Variants in ADAT2 observed in about 807,000 individuals in gnomAD.
ADAT2 encodes the protein tRNA-specific adenosine-34 deaminase catalytic subunit ADAT2.
ADAT2 carries 26 observed loss-of-function variants against 25.9 expected under a neutral mutation model. That is an observed-to-expected ratio of 1.00 (90% CI 0.74 to 1.39). The LOEUF is 1.39. Ranked by LOEUF, ADAT2 falls within the 40% of genes most tolerant of loss-of-function variation. ADAT2 has a pLI of 0.00. For missense variants in ADAT2, 220 were observed against 244.8 expected (o/e 0.90, Z 0.68); for synonymous variants, 76 against 86.8 (o/e 0.88, Z 0.69).
In ADAT2 at chr6:143,444,822, C is replaced by T. The variant is rs1384889587; in HGVS notation, c.96+5741G>A. 6.1e-6 allele frequency: 5 copies of T among 821,476 alleles called. No individual in the cohort carries two copies. The highest frequency in any genetic ancestry group is 5.5e-5 in the African/African-American group (3 of 54,528). The allele number at this position is 821,476 out of a possible 1,614,324, so 50.9% of individuals were successfully genotyped here. On this transcript the variant is annotated intron_variant, in intron 1 of 5. Coordinates refer to ENST00000237283, the MANE Select transcript of ADAT2 (RefSeq NM_182503.3). The surrounding 1 kb of genome is among the most constrained non-coding windows in gnomAD (Gnocchi z 4.3). ...TGCCCAGATACAGATAATGAAAGCACCTAGATGGAAGAGACTTCGTAGTTT... is the reference window on the plus strand; with the variant it reads ...TGCCCAGATACAGATAATGAAAGCATCTAGATGGAAGAGACTTCGTAGTTT...
rs1010480672 is a variant in ADAT2, at chr6:143,444,790, C to G, written c.96+5773G>C. 2.5e-6 allele frequency: 1 copy of G among 397,438 alleles called. No individual in the cohort carries two copies. The highest frequency in any genetic ancestry group is 3.9e-6 in the Non-Finnish European group (1 of 258,578). 24.6% of individuals were successfully genotyped at this position (397,438 alleles called of 1,614,324 possible). The stretch of plus-strand genomic sequence containing the variant: ...ATATAATTTCTTTTTTTTCTCTAGT[C>G]AGGGCCTGCCCAGATACAGATAATG... On this transcript the variant is annotated intron_variant, in intron 1 of 5. Transcript: ENST00000237283. This position sits in a 1 kb window ranked among gnomAD's most constrained non-coding sequence, Gnocchi z 4.3.
intron 1 of ADAT2, chr6:143,449,912 T>C (rs1779712075): frequency 6.6e-6 from 1 of 152,268 alleles, no homozygotes; most frequent in African/African-American, 2.4e-5. Flanking sequence ...TGAGTAGATT[T>C]AATGCTCCAG....
chr6:143,430,895 G>T (rs1197677047), intron 4 of ADAT2, among the ~76,000 whole-genome samples: 1 of 152,186 alleles, frequency 6.6e-6, no homozygotes, highest in East Asian at 1.9e-4. Flanking sequence ...AACAGAGCAG[G>T]TGTTATAATT....
At chr6:143,448,371 T>G (rs952622307) in intron 1 of ADAT2, among the ~76,000 whole-genome samples, 2 of 152,146 alleles carry the variant, frequency 1.3e-5, no homozygotes, top group Non-Finnish European at 2.9e-5. Flanking sequence ...CTGCACATTG[T>G]GCACATGTAC....
chr6:143,448,209 C>T (rs550521295), intron 1 of ADAT2, among the ~76,000 whole-genome samples: 7 of 151,976 alleles, frequency 4.6e-5, no homozygotes, highest in Non-Finnish European at 7.4e-5. Context: ...AATGAGAACA[C>T]TTGGACACAG....
In ADAT2 at chr6:143,437,588, C is replaced by T. The variant is rs913520935; in HGVS notation, c.201+1002G>A. On this transcript the variant is annotated intron_variant, in intron 2 of 5. Coordinates refer to ENST00000237283, the MANE Select transcript of ADAT2 (RefSeq NM_182503.3). The surrounding 1 kb of genome is among the most constrained non-coding windows in gnomAD (Gnocchi z 4.1). ...TATTTTTTTGGTTGTACAGAAGTTACGTATTAAAATATAATCCTGTTCTAT... is the reference window on the plus strand; with the variant it reads ...TATTTTTTTGGTTGTACAGAAGTTATGTATTAAAATATAATCCTGTTCTAT... Among the ~76,000 whole-genome samples the T allele has an allele frequency of 3.5e-4, 53 of 152,000 alleles. No individual in the cohort carries two copies. The highest frequency in any genetic ancestry group is 2.3e-3 in the Admixed American group (35 of 15,276).
In ADAT2 at chr6:143,432,708, G is replaced by A. The variant is rs549107769; in HGVS notation, c.353-97C>T. 4.4e-5 allele frequency: 49 copies of A among 1,110,780 alleles called. No homozygotes were observed. In the East Asian group the frequency reaches 8.4e-4, roughly 19 times the overall value. 68.8% of individuals were successfully genotyped at this position (1,110,780 alleles called of 1,614,324 possible). On this transcript the variant is annotated intron_variant, in intron 3 of 5. Coordinates refer to ENST00000237283, the MANE Select transcript of ADAT2 (RefSeq NM_182503.3). This position sits in a 1 kb window ranked among gnomAD's most constrained non-coding sequence, Gnocchi z 4.4. ...TATACCAGCCATCCTGGAGAGGAAC[G>A]CTCATGCTACTCTTCAAACCAGTGA...
rs773772395 is a variant in ADAT2 at position 143,442,673 on chromosome 6, T to C, written c.97-3979A>G. On this transcript the variant is annotated intron_variant, in intron 1 of 5. Coordinates refer to ENST00000237283, the MANE Select transcript of ADAT2 (RefSeq NM_182503.3). This position sits in a 1 kb window ranked among gnomAD's most constrained non-coding sequence, Gnocchi z 4.6. ...ATTATTGTAATTTCTTGTGAACTTA[T>C]AATTATTTCAAAATGAAAGTTAAAA... is the stretch of plus-strand genomic sequence containing the variant. Among the ~76,000 whole-genome samples the C allele has an allele frequency of 4.6e-5, 7 of 152,214 alleles. No individual in the cohort carries two copies. Among genetic ancestry groups the C allele is most frequent in the Non-Finnish European group, 1.0e-4 (7 of 68,046 alleles).
rs1779156448 is a variant in ADAT2, at chr6:143,432,800, G to A, written c.353-189C>T. 6.6e-6 allele frequency among the ~76,000 whole-genome samples: 1 copy of A among 152,216 alleles called. No individual in the cohort carries two copies. On this transcript the variant is annotated intron_variant, in intron 3 of 5. Transcript: ENST00000237283. This position sits in a 1 kb window ranked among gnomAD's most constrained non-coding sequence, Gnocchi z 4.4. The stretch of plus-strand genomic sequence containing the variant: ...AGAAGAAAAGGGGTTAAAGTATTGA[G>A]AAATTGACATTTAACAACTGCAAAC...
rs945820759 is a variant in ADAT2, at chr6:143,426,139, C to T, written c.*2324G>A. ...ACCACTTTCAGAACTATTTTGTACA[C>T]AAAACAAGTCTTTCAGCTGGTGTCT... On this transcript the variant is annotated 3_prime_UTR_variant, in exon 6 of 6. Coordinates refer to ENST00000237283, the MANE Select transcript of ADAT2 (RefSeq NM_182503.3). This position sits in a 1 kb window ranked among gnomAD's most constrained non-coding sequence, Gnocchi z 4.1. 3 of 152,164 alleles carry T rather than the reference C, an allele frequency of 2.0e-5. No individual in the cohort carries two copies. The highest frequency in any genetic ancestry group is 1.5e-5 in the Non-Finnish European group (1 of 68,030). The allele number at this position is 152,164 out of a possible 1,614,324, so 9.4% of individuals were successfully genotyped here. A position where few individuals can be genotyped will look rare whatever the true frequency, so the allele number is the denominator to read the frequency against.
intron 2 of ADAT2, among the ~76,000 whole-genome samples, chr6:143,435,700 T>A (rs1779253587): frequency 6.6e-6 from 1 of 152,242 alleles, no homozygotes; most frequent in Non-Finnish European, 1.5e-5. Context: ...ACTTATCTCA[T>A]GTTTTAATAT....
At chr6:143,443,809 C>T (rs1216593309) in intron 1 of ADAT2, among the ~76,000 whole-genome samples, 1 of 145,054 alleles carries the variant, frequency 6.9e-6, no homozygotes, top group Non-Finnish European at 1.5e-5. Context: ...CCAGCCTGGG[C>T]GACAAAGTGA....
In ADAT2 at chr6:143,440,597, GC is replaced by G. The variant is rs1458554278; in HGVS notation, c.97-1904del. Among the ~76,000 whole-genome samples the G allele has an allele frequency of 2.2e-4, 33 of 152,154 alleles. No homozygotes were observed. Among genetic ancestry groups the G allele is most frequent in the Non-Finnish European group, 4.0e-4 (27 of 68,020 alleles). On this transcript the variant is annotated intron_variant, in intron 1 of 5. Coordinates refer to ENST00000237283, the MANE Select transcript of ADAT2 (RefSeq NM_182503.3). This position sits in a 1 kb window ranked among gnomAD's most constrained non-coding sequence, Gnocchi z 4.5. ...GGACTATTTTATGAACTATCCACAG[GC>G]CGGTTGTGTCCCAGTTCTGTGACAG...
intron 1 of ADAT2, among the ~76,000 whole-genome samples, chr6:143,439,375 A>C (rs560939085): frequency 6.6e-6 from 1 of 151,120 alleles, no homozygotes; most frequent in Non-Finnish European, 1.5e-5. Context: ...AAGAAGAAAG[A>C]AAGTTTGAAA....
rs181002822 is a variant in ADAT2 at position 143,431,481 on chromosome 6, A to G, written c.459+1024T>C. On this transcript the variant is annotated intron_variant, in intron 4 of 5. Coordinates refer to ENST00000237283, the MANE Select transcript of ADAT2 (RefSeq NM_182503.3). ...CTAACAGAAGTGATTGGAAAAATCA[A>G]ATCACTTTCTAAATGTCTTTAATGA... is the stretch of plus-strand genomic sequence containing the variant. Among the ~76,000 whole-genome samples the G allele has an allele frequency of 1.8e-4, 28 of 152,258 alleles. 1 individual carries two copies. The highest frequency in any genetic ancestry group is 1.8e-3 in the Admixed American group (27 of 15,290).
In ADAT2 at chr6:143,440,974, GGA is replaced by G. The variant is rs1002723521; in HGVS notation, c.97-2282_97-2281del. 1.3e-5 allele frequency among the ~76,000 whole-genome samples: 2 copies of G among 152,048 alleles called. No individual in the cohort carries two copies. The highest frequency in any genetic ancestry group is 6.5e-5 in the Admixed American group (1 of 15,268). On this transcript the variant is annotated intron_variant, in intron 1 of 5. Coordinates refer to ENST00000237283, the MANE Select transcript of ADAT2 (RefSeq NM_182503.3). The surrounding 1 kb of genome is among the most constrained non-coding windows in gnomAD (Gnocchi z 4.5). ...GGCAAGAGGCGAAGTGATAACGGAA[GGA>G]GAGAGAGAGAGATTTGAAAATGCTG...
rs532201462 is a variant in ADAT2 at position 143,439,458 on chromosome 6, A to C, written c.97-764T>G. 2.0e-5 allele frequency among the ~76,000 whole-genome samples: 3 copies of C among 152,288 alleles called. 1 individual carries two copies. In the East Asian group the frequency reaches 5.8e-4, roughly 29 times the overall value. ...TGCACAGGTGGCCATCAACAAGAAA[A>C]TGGATAAACAAACTGTGTCCTATTC... On this transcript the variant is annotated intron_variant, in intron 1 of 5. Coordinates refer to ENST00000237283, the MANE Select transcript of ADAT2 (RefSeq NM_182503.3).
chr6:143,436,692 T>C lies in ADAT2; in HGVS notation c.201+1898A>G. Reference sequence around the variant, plus strand: ...AGGAGGGAGAGTCTGAGGAGTGGACTGAGGAAATGGGGGCGTAGAGCCTTC... The same window carrying C: ...AGGAGGGAGAGTCTGAGGAGTGGACCGAGGAAATGGGGGCGTAGAGCCTTC... On this transcript the variant is annotated intron_variant, in intron 2 of 5. Coordinates refer to ENST00000237283, the MANE Select transcript of ADAT2 (RefSeq NM_182503.3). This position sits in a 1 kb window ranked among gnomAD's most constrained non-coding sequence, Gnocchi z 4.1. The C allele has an allele frequency of 3.8e-6, 1 of 264,874 alleles. No individual in the cohort carries two copies. 16.4% of individuals were successfully genotyped at this position (264,874 alleles called of 1,614,324 possible). A position where few individuals can be genotyped will look rare whatever the true frequency, so the allele number is the denominator to read the frequency against.
At position 143,427,604 on chromosome 6, in the gene ADAT2, G is replaced by A. The variant is rs1328894814; in HGVS notation, c.*859C>T. On this transcript the variant is annotated 3_prime_UTR_variant, in exon 6 of 6. Transcript: ENST00000237283. ...AATTGATCATTCTATTTTTCAGTCA[G>A]CATTCTCACCACCAAATGGCACCTA... 1 of 152,176 alleles carries A rather than the reference G, an allele frequency of 6.6e-6. No homozygotes were observed. 9.4% of individuals were successfully genotyped at this position (152,176 alleles called of 1,614,324 possible).
Sources: allele counts gnomAD v4.1 joint callset (sites outside exome capture counted in the v4.1 genomes callset), GRCh38; gene constraint gnomAD v4.1.1; non-coding constraint Gnocchi (gnomAD v3.1); transcripts MANE v1.5; gene names NCBI Gene and HGNC (gene_info 2026-07-23, HGNC 2026-07-21).